CADM2: variants seen among roughly 807,000 people sequenced by gnomAD.
CADM2 encodes the protein immunoglobulin superfamily member 4D.
CADM2 carries 12 observed loss-of-function variants against 49.8 expected under a neutral mutation model. The ratio of observed to expected loss-of-function variants is 0.24; its 90% confidence interval spans 0.15 to 0.39. CADM2 has a LOEUF of 0.39. Ranked by LOEUF, CADM2 falls within the 10% of genes least tolerant of loss-of-function variation. CADM2 has a pLI of 1.00. For synonymous variants in CADM2, 214 were observed against 175.4 expected, an observed-to-expected ratio of 1.22 and a Z score of -1.74; for missense variants, 378 against 492.3, an observed-to-expected ratio of 0.77 and a Z score of 2.20.
chr3:85,429,734 A>G (rs1318169632), intron 1 of CADM2, among the ~76,000 whole-genome samples: 1 of 152,180 alleles, frequency 6.6e-6, no homozygotes. Flanking sequence ...ATATTATAAA[A>G]CAATTATAAT....
At chr3:85,592,180 A>T (rs1018711771) in intron 1 of CADM2, among the ~76,000 whole-genome samples, 3 of 152,040 alleles carry the variant, frequency 2.0e-5, no homozygotes, top group Non-Finnish European at 4.4e-5. Context: ...AAAACAGAAC[A>T]TTGATAAAAC....
chr3:84,984,355 C>CAAAAAAAAAA (rs2032411517), intron 1 of CADM2, among the ~76,000 whole-genome samples: 1 of 41,374 alleles, frequency 2.4e-5, no homozygotes, highest in African/African-American at 1.7e-4. Flanking sequence ...CAAGATTAAG[C>CAAAAAAAAAA]TAAAAAAAAA....
intron 1 of CADM2, among the ~76,000 whole-genome samples, chr3:85,277,384 T>G (rs978552667): frequency 6.6e-6 from 1 of 151,340 alleles, no homozygotes; most frequent in African/African-American, 2.4e-5. Flanking sequence ...CTTTAGCTCT[T>G]TAGCTTTCTA....
At chr3:86,027,049 G>A (rs888963081) in intron 8 of CADM2, among the ~76,000 whole-genome samples, 18 of 152,038 alleles carry the variant, frequency 1.2e-4, no homozygotes, top group African/African-American at 3.9e-4. Context: ...TCAGAAGGAA[G>A]AATAAAATTA....
At chr3:85,627,367 G>A (rs1285890713) in intron 1 of CADM2, among the ~76,000 whole-genome samples, 1 of 152,050 alleles carries the variant, frequency 6.6e-6, no homozygotes, top group Non-Finnish European at 1.5e-5. Flanking sequence ...CTCTGATTGT[G>A]TGTGTAGATA....
chr3:85,738,796 A>C (rs1233178688), intron 2 of CADM2, among the ~76,000 whole-genome samples: 1 of 152,160 alleles, frequency 6.6e-6, no homozygotes, highest in Non-Finnish European at 1.5e-5. Flanking sequence ...ATTTCTTATC[A>C]TCTTTATTTG....
chr3:86,054,714 CT>C lies in CADM2; in HGVS notation c.971-10882del, dbSNP rs57638543. Reference sequence around the variant, plus strand: ...ATTTAATTATAATCAAGCCATGTGTCTTTTTTTTTCAGCTTAAGAAATGTGT... The same window carrying C: ...ATTTAATTATAATCAAGCCATGTGTCTTTTTTTTCAGCTTAAGAAATGTGT... On this transcript the variant is annotated intron_variant, in intron 8 of 9. Coordinates refer to ENST00000383699, the MANE Select transcript of CADM2 (RefSeq NM_001167675.2). Among the ~76,000 whole-genome samples the C allele has an allele frequency of 5.7e-3, 853 of 150,566 alleles. 7 individuals are homozygous for C. The highest frequency in any genetic ancestry group is 0.013 in the South Asian group (63 of 4,764).
intron 1 of CADM2, among the ~76,000 whole-genome samples, chr3:85,010,133 A>G (rs961212128): frequency 6.6e-6 from 1 of 152,054 alleles, no homozygotes; most frequent in African/African-American, 2.4e-5. Context: ...TCAAAATGCA[A>G]ACATCTGGAA....
intron 2 of CADM2, among the ~76,000 whole-genome samples, chr3:85,728,020 C>T (rs1475379565): frequency 1.3e-5 from 2 of 152,058 alleles, no homozygotes; most frequent in Non-Finnish European, 2.9e-5. Flanking sequence ...TGAGTCATTA[C>T]AGTATTTGAT....
Position 85,797,636 on chromosome 3 carries a change from C to T in CADM2, c.89-4411C>T, listed in dbSNP as rs149947425. Among the ~76,000 whole-genome samples the T allele has an allele frequency of 6.7e-3, 1,018 of 152,264 alleles. 8 individuals are homozygous for T. The highest frequency in any genetic ancestry group is 0.023 in the African/African-American group (952 of 41,548). Reference sequence around the variant, plus strand: ...AGTATTCCATGGTGTATATGTGCCACATTTTCTTTATCCAGTCTAACATTG... The same window carrying T: ...AGTATTCCATGGTGTATATGTGCCATATTTTCTTTATCCAGTCTAACATTG... On this transcript the variant is annotated intron_variant, in intron 2 of 9. Coordinates refer to ENST00000383699, the MANE Select transcript of CADM2 (RefSeq NM_001167675.2).
At chr3:84,997,613 T>A (rs2033247237) in intron 1 of CADM2, among the ~76,000 whole-genome samples, 1 of 152,000 alleles carries the variant, frequency 6.6e-6, no homozygotes, top group African/African-American at 2.4e-5. Flanking sequence ...TATATTTATT[T>A]TATATGTTAT....
At chr3:85,191,394 T>A (rs2041203171) in intron 1 of CADM2, among the ~76,000 whole-genome samples, 1 of 152,130 alleles carries the variant, frequency 6.6e-6, no homozygotes, top group Non-Finnish European at 1.5e-5. Flanking sequence ...TATTAACATT[T>A]ACCATATGTC....
At chr3:85,890,240 A>G (rs912082869) in intron 5 of CADM2, among the ~76,000 whole-genome samples, 18 of 152,124 alleles carry the variant, frequency 1.2e-4, no homozygotes, top group Admixed American at 7.2e-4. Flanking sequence ...ACAAGTGGTT[A>G]CATTCTTGTG....
At chr3:85,975,224 A>G (rs1264474433) in intron 8 of CADM2, among the ~76,000 whole-genome samples, 2 of 151,402 alleles carry the variant, frequency 1.3e-5, no homozygotes, top group African/African-American at 4.8e-5. Context: ...ATACCATGAT[A>G]TGTGGTATTT....
chr3:85,036,054 T>C (rs557483666), intron 1 of CADM2, among the ~76,000 whole-genome samples: 1 of 152,156 alleles, frequency 6.6e-6, no homozygotes, highest in African/African-American at 2.4e-5. Context: ...CATTTAAAAA[T>C]TATGTAAAAA....
chr3:85,297,735 C>T (rs1015890596), intron 1 of CADM2, among the ~76,000 whole-genome samples: 1 of 152,032 alleles, frequency 6.6e-6, no homozygotes, highest in Non-Finnish European at 1.5e-5. Flanking sequence ...TAGAAACCTA[C>T]ATATTGATCC....
chr3:85,475,353 C>A (rs542663494), intron 1 of CADM2, among the ~76,000 whole-genome samples: 3 of 151,788 alleles, frequency 2.0e-5, no homozygotes, highest in Non-Finnish European at 4.4e-5. Context: ...TGTGACTTTA[C>A]CAATTAGTAT....
chr3:86,064,103 T>C (rs1739028732), intron 8 of CADM2, among the ~76,000 whole-genome samples: 1 of 151,968 alleles, frequency 6.6e-6, no homozygotes, highest in Non-Finnish European at 1.5e-5. Flanking sequence ...ATGTGCACAA[T>C]GTGCAGGTTT....
chr3:85,462,039 A>T (rs938193019), intron 1 of CADM2, among the ~76,000 whole-genome samples: 2 of 152,260 alleles, frequency 1.3e-5, no homozygotes, highest in East Asian at 3.9e-4. Flanking sequence ...GAGGAGGGCA[A>T]TTAATCAGGT....
Sources: gnomAD v4.1 joint callset for allele counts (sites outside exome capture counted in the v4.1 genomes callset) on GRCh38, gnomAD v4.1.1 for gene constraint, MANE v1.5 for transcripts, NCBI Gene and HGNC (gene_info 2026-07-23, HGNC 2026-07-21) for gene names.